Variants in VEGFC observed in about 807,000 individuals in gnomAD.
VEGFC encodes the protein vascular endothelial growth factor C, also known as FLT4 ligand DHM.
A neutral mutation model predicts 46.1 loss-of-function variants in VEGFC; 12 were observed. The ratio of observed to expected loss-of-function variants is 0.26; its 90% CI spans 0.17 to 0.42. The LOEUF is 0.42. Ranked by LOEUF, VEGFC falls within the 10% of genes least tolerant of loss-of-function variation. VEGFC has a pLI of 1.00. For synonymous variants in VEGFC, 232 were observed against 195.5 expected, an observed-to-expected ratio of 1.19 and a Z score of -1.56; for missense variants, 488 against 529.4, an observed-to-expected ratio of 0.92 and a Z score of 0.77.
chr4:176,768,984 C>T (rs185773696), intron 1 of VEGFC, among the ~76,000 whole-genome samples: 23 of 152,064 alleles, frequency 1.5e-4, no homozygotes, highest in African/African-American at 2.9e-4. Flanking sequence ...TCAACCCCAG[C>T]GTTTTGGTAT....
intron 1 of VEGFC, among the ~76,000 whole-genome samples, chr4:176,737,931 T>G (rs139635024): frequency 6.6e-6 from 1 of 151,828 alleles, no homozygotes; most frequent in African/African-American, 2.4e-5. Context: ...GTGATGGTGA[T>G]AATAATTTAA....
chr4:176,696,825 C>T (rs558667515), intron 4 of VEGFC, among the ~76,000 whole-genome samples: 9 of 152,186 alleles, frequency 5.9e-5, no homozygotes, highest in South Asian at 2.1e-4. Context: ...TCAGAAATAA[C>T]GCCGCATATC....
At chr4:176,692,885 AGGG>A (rs1734231838) in intron 4 of VEGFC, among the ~76,000 whole-genome samples, 1 of 146,836 alleles carries the variant, frequency 6.8e-6, no homozygotes, top group Non-Finnish European at 1.5e-5. Context: ...CTCACACAGC[AGGG>A]TATTCCAACA....
chr4:176,773,943 T>C (rs1041799072), intron 1 of VEGFC, among the ~76,000 whole-genome samples: 10 of 152,070 alleles, frequency 6.6e-5, no homozygotes, highest in South Asian at 2.1e-4. Context: ...AGCTGAGTCA[T>C]TAGGGTGAGG....
intron 4 of VEGFC, among the ~76,000 whole-genome samples, chr4:176,691,174 A>C (rs1361793812): frequency 6.6e-6 from 1 of 152,186 alleles, no homozygotes; most frequent in African/African-American, 2.4e-5. Context: ...GAATGAAAGG[A>C]AATGTGGTCA....
chr4:176,739,225 C>T (rs936816739), intron 1 of VEGFC, among the ~76,000 whole-genome samples: 2 of 151,368 alleles, frequency 1.3e-5, no homozygotes, highest in African/African-American at 4.9e-5. Context: ...TTAGTTTAAC[C>T]ATTCTGAAAG....
rs547824432 is a variant in VEGFC, at chr4:176,740,565, T to C, written c.148-10819A>G. Among the ~76,000 whole-genome samples the C allele has an allele frequency of 6.8e-5, 10 of 146,622 alleles. No individual in the cohort carries two copies. The East Asian group carries it at 2.0e-3, about 29-fold the overall frequency. On this transcript the variant is annotated intron_variant, in intron 1 of 6. Transcript: ENST00000618562. The stretch of plus-strand genomic sequence containing the variant: ...AGAACATATGTAACTATATATTCTA[T>C]ATATAGAGAGAGAATACATATAACT...
chr4:176,752,821 T>C (rs1735362975), intron 1 of VEGFC, among the ~76,000 whole-genome samples: 1 of 151,940 alleles, frequency 6.6e-6, no homozygotes, highest in African/African-American at 2.4e-5. Flanking sequence ...CCAAGACCAC[T>C]GGCTAGGACA....
intron 4 of VEGFC, among the ~76,000 whole-genome samples, chr4:176,695,899 T>C (rs1734303415): frequency 1.3e-5 from 2 of 151,490 alleles, no homozygotes; most frequent in South Asian, 4.2e-4. Context: ...ATTATCTCAA[T>C]AGATGCAGAA....
intron 1 of VEGFC, among the ~76,000 whole-genome samples, chr4:176,740,533 T>G (rs1245063096): frequency 2.1e-5 from 3 of 143,530 alleles, no homozygotes; most frequent in Non-Finnish European, 3.0e-5. Context: ...TATATATAAC[T>G]ATATATAGAA....
chr4:176,686,140 T>C (rs1399467440), intron 6 of VEGFC, among the ~76,000 whole-genome samples: 1 of 152,126 alleles, frequency 6.6e-6, no homozygotes, highest in African/African-American at 2.4e-5. Flanking sequence ...ACTAGGAAAG[T>C]ACAATGTCAT....
chr4:176,777,106 G>A (rs1735826560), intron 1 of VEGFC, among the ~76,000 whole-genome samples: 1 of 152,064 alleles, frequency 6.6e-6, no homozygotes, highest in Admixed American at 6.5e-5. Context: ...AAGGTCAGGA[G>A]ATCCAGACCA....
At chr4:176,737,888 A>C (rs1579114474) in intron 1 of VEGFC, among the ~76,000 whole-genome samples, 1 of 152,056 alleles carries the variant, frequency 6.6e-6, no homozygotes, top group South Asian at 2.1e-4. Flanking sequence ...ATTGTGGTAC[A>C]TTCTTCAGTT....
intron 1 of VEGFC, among the ~76,000 whole-genome samples, chr4:176,785,350 G>C (rs1735983578): frequency 6.6e-6 from 1 of 152,156 alleles, no homozygotes; most frequent in Non-Finnish European, 1.5e-5. Context: ...AACTTCTTTA[G>C]AAGTGAGTCT....
At chr4:176,706,349 C>G (rs1464174839) in intron 4 of VEGFC, among the ~76,000 whole-genome samples, 1 of 152,016 alleles carries the variant, frequency 6.6e-6, no homozygotes, top group East Asian at 1.9e-4. Context: ...ACTATTTTGG[C>G]TGGGCGTGGT....
chr4:176,792,082 C>A lies in VEGFC; in HGVS notation c.147+83G>T. On this transcript the variant is annotated intron_variant, in intron 1 of 6. Coordinates refer to ENST00000618562, the MANE Select transcript of VEGFC (RefSeq NM_005429.5). This position sits in a 1 kb window ranked among gnomAD's most constrained non-coding sequence, Gnocchi z 6.3. ...CGTACACAAGCTTAAAGCACACACA[C>A]TTTCCCCCGCGCAGGTTCTCGGGTC... 1.4e-6 allele frequency: 2 copies of A among 1,398,084 alleles called. No homozygotes were observed. The highest frequency in any genetic ancestry group is 1.9e-6 in the Non-Finnish European group (2 of 1,071,226). The allele number at this position is 1,398,084 out of a possible 1,614,324, so 86.6% of individuals were successfully genotyped here.
intron 1 of VEGFC, among the ~76,000 whole-genome samples, chr4:176,749,350 T>A (rs1735305227): frequency 6.6e-6 from 1 of 151,960 alleles, no homozygotes; most frequent in African/African-American, 2.4e-5. Context: ...TTGGAAAAAA[T>A]CAATTTGAGA....
chr4:176,728,275 A>T (rs1278995829), intron 2 of VEGFC, among the ~76,000 whole-genome samples: 1 of 152,194 alleles, frequency 6.6e-6, no homozygotes, highest in African/African-American at 2.4e-5. Flanking sequence ...TTTCTTAGGA[A>T]AATGGTAATT....
chr4:176,691,451 T>C lies in VEGFC; in HGVS notation c.705-3524A>G, dbSNP rs561602479. Among the ~76,000 whole-genome samples the C allele has an allele frequency of 1.2e-3, 180 of 151,832 alleles. 1 individual carries two copies. The highest frequency in any genetic ancestry group is 4.3e-3 in the African/African-American group (177 of 41,414). ...TCATGTGAATAAACTAACTTTCCTA[T>C]CCCCCCACCGACCCCACCACACACA... On this transcript the variant is annotated intron_variant, in intron 4 of 6. Transcript: ENST00000618562.
Sources: gnomAD v4.1 joint callset for allele counts (sites outside exome capture counted in the v4.1 genomes callset) on GRCh38, gnomAD v4.1.1 for gene constraint, Gnocchi (gnomAD v3.1) non-coding constraint, MANE v1.5 for transcripts, NCBI Gene and HGNC (gene_info 2026-07-23, HGNC 2026-07-21) for gene names.